Variants in ARMC3 observed in about 807,000 individuals in gnomAD.
ARMC3 encodes the protein armadillo repeat-containing protein 3.
Under a neutral mutation model 90.3 loss-of-function variants are expected in ARMC3, and 74 were observed. The ratio of observed to expected loss-of-function variants is 0.82; its 90% CI spans 0.68 to 0.99. ARMC3 has a LOEUF of 0.99. Ranked by LOEUF, ARMC3 falls within the 50% of genes least tolerant of loss-of-function variation. The probability of loss-of-function intolerance (pLI) is 0.00; values close to 1 mark genes in which losing one functional copy is unlikely to be tolerated. For missense variants in ARMC3, 958 were observed against 1,042.8 expected, an observed-to-expected ratio of 0.92 and a Z score of 1.12; for synonymous variants, 334 against 361.8, an observed-to-expected ratio of 0.92 and a Z score of 0.87.
intron 18 of ARMC3, among the ~76,000 whole-genome samples, chr10:23,034,055 T>A (rs944603520): frequency 1.3e-5 from 2 of 152,206 alleles, no homozygotes; most frequent in Non-Finnish European, 1.5e-5. Context: ...CATCATTGCA[T>A]TCACATGCAG....
intron 7 of ARMC3, among the ~76,000 whole-genome samples, chr10:22,967,343 A>G (rs528315474): frequency 2.0e-5 from 3 of 152,256 alleles, no homozygotes; most frequent in Admixed American, 2.0e-4. Context: ...AAAATTCATC[A>G]CAGGTTTTCT....
intron 16 of ARMC3, among the ~76,000 whole-genome samples, chr10:23,026,554 A>C (rs1838723307): frequency 6.6e-6 from 1 of 152,118 alleles, no homozygotes; most frequent in South Asian, 2.1e-4. Flanking sequence ...TTGATAGGAT[A>C]AAAATAAAAA....
Position 22,936,941 on chromosome 10 carries a change from T to C in ARMC3, c.48+4897T>C, listed in dbSNP as rs190267812. Among the ~76,000 whole-genome samples, 16 of 152,226 alleles carry C rather than the reference T, an allele frequency of 1.1e-4. No homozygotes were observed. In the East Asian group the frequency reaches 1.7e-3, roughly 17 times the overall value. ...TTTTTTGAGATAGGGTCTTGCTCTG[T>C]CTCCCAGGCTGGAGTGCAGTGGCAC... On this transcript the variant is annotated intron_variant, in intron 2 of 18. Transcript: ENST00000298032.
intron 13 of ARMC3, 123 bp from the exon 14 acceptor site, chr10:23,006,759 CAT>C: frequency 4.0e-6 from 3 of 755,208 alleles, no homozygotes; most frequent in Non-Finnish European, 6.9e-6. Context: ...GTATATTGTA[CAT>C]GTGTGTGTTT....
intron 16 of ARMC3, among the ~76,000 whole-genome samples, chr10:23,014,656 T>C (rs1274657595): frequency 1.2e-4 from 18 of 152,056 alleles, no homozygotes; most frequent in Admixed American, 1.1e-3. Flanking sequence ...TGCAGAGACA[T>C]GGATGGAGCT....
chr10:22,946,108 A>C, intron 2 of ARMC3, 36 bp from the exon 3 acceptor site: 1 of 1,388,798 alleles, frequency 7.2e-7, no homozygotes, highest in Admixed American at 2.0e-5. Context: ...TTTAAAGCTC[A>C]TATGTGAAAC....
chr10:23,008,771 T>C, intron 15 of ARMC3, 44 bp from the exon 16 acceptor site: 1 of 1,494,586 alleles, frequency 6.7e-7, no homozygotes, highest in Non-Finnish European at 9.3e-7. Context: ...ATTGTTGTTT[T>C]CCATATGATT....
intron 16 of ARMC3, chr10:23,014,161 T>C: frequency 1.3e-6 from 2 of 1,535,036 alleles, no homozygotes; most frequent in Non-Finnish European, 8.8e-7. Flanking sequence ...ATTGTTGGCA[T>C]GAGGAGAACA....
rs75701580 is a variant in ARMC3, at chr10:23,033,165, A to G, written c.2409+142A>G. ...TATTTATATCTACATATAAGTGTAT[A>G]TATACTTATATACAAGCATACACAT... On this transcript the variant is annotated intron_variant, in intron 18 of 18. Transcript: ENST00000298032. The G allele has an allele frequency of 2.2e-3, 1,658 of 741,314 alleles. 15 individuals are homozygous for G. In the African/African-American group the frequency reaches 0.026, roughly 12 times the overall value. The allele number at this position is 741,314 out of a possible 1,614,324, so 45.9% of individuals were successfully genotyped here.
At chr10:23,030,243 G>A (rs1838866990) in intron 16 of ARMC3, among the ~76,000 whole-genome samples, 1 of 152,076 alleles carries the variant, frequency 6.6e-6, no homozygotes, top group Admixed American at 6.6e-5. Flanking sequence ...TGAGGAATTG[G>A]TTTCATGAAG....
Position 23,024,512 on chromosome 10 carries a change from A to T in ARMC3, c.2046-6084A>T, listed in dbSNP as rs12261995. ...TGATGATTGAAACAAAATGTATAAC[A>T]TCTTATACTCAAGACAATGATATTT... On this transcript the variant is annotated intron_variant, in intron 16 of 18. Coordinates refer to ENST00000298032, the MANE Select transcript of ARMC3 (RefSeq NM_173081.5). Among the ~76,000 whole-genome samples, 1,244 of 152,298 alleles carry T rather than the reference A, an allele frequency of 8.2e-3. 21 individuals carry two copies. Among genetic ancestry groups the T allele is most frequent in the African/African-American group, 0.028 (1,178 of 41,576 alleles).
At chr10:22,957,586 G>A (rs1411912044) in intron 4 of ARMC3, among the ~76,000 whole-genome samples, 2 of 152,060 alleles carry the variant, frequency 1.3e-5, no homozygotes, top group Admixed American at 1.3e-4. Flanking sequence ...CACTGACAAG[G>A]GGCCAGGCAC....
At chr10:22,968,019 G>C (rs1023396047) in intron 7 of ARMC3, among the ~76,000 whole-genome samples, 2 of 152,140 alleles carry the variant, frequency 1.3e-5, no homozygotes, top group Non-Finnish European at 2.9e-5. Flanking sequence ...GTTTTTTGCA[G>C]AAGACTGTAT....
At chr10:22,968,196 CA>C (rs1835523804) in intron 7 of ARMC3, 109 bp from the exon 8 acceptor site, 1 of 1,024,902 alleles carries the variant, frequency 9.8e-7, no homozygotes, top group Non-Finnish European at 1.4e-6. Context: ...TCTGTCACAA[CA>C]AAAATCATGA....
chr10:22,999,294 T>C (rs1225954758), intron 11 of ARMC3, among the ~76,000 whole-genome samples: 1 of 152,224 alleles, frequency 6.6e-6, no homozygotes, highest in Non-Finnish European at 1.5e-5. Flanking sequence ...ACACTTGTTA[T>C]CCCTGCACTT....
intron 3 of ARMC3, among the ~76,000 whole-genome samples, chr10:22,950,222 A>G (rs74121681): frequency 3.9e-5 from 6 of 152,288 alleles, no homozygotes; most frequent in African/African-American, 1.4e-4. Context: ...TAGAAATGGC[A>G]ACATATATGT....
intron 2 of ARMC3, among the ~76,000 whole-genome samples, chr10:22,936,745 T>TA (rs932745221): frequency 3.9e-5 from 6 of 152,172 alleles, no homozygotes; most frequent in South Asian, 4.2e-4. Context: ...CCCTTTTTAA[T>TA]AAAAAAATTA....
intron 7 of ARMC3, among the ~76,000 whole-genome samples, chr10:22,963,763 G>C (rs1380062757): frequency 1.3e-5 from 2 of 151,376 alleles, no homozygotes; most frequent in Non-Finnish European, 2.9e-5. Context: ...GGTGGCACGT[G>C]CCTGTAATCC....
At chr10:23,000,431 T>C (rs1837226722) in intron 11 of ARMC3, among the ~76,000 whole-genome samples, 1 of 152,182 alleles carries the variant, frequency 6.6e-6, no homozygotes, top group African/African-American at 2.4e-5. Context: ...CTTGTCTTCC[T>C]TTTTTGAATT....
Sources: allele counts gnomAD v4.1 joint callset (sites outside exome capture counted in the v4.1 genomes callset), GRCh38; gene constraint gnomAD v4.1.1; transcripts MANE v1.5; gene names NCBI Gene and HGNC (gene_info 2026-07-23, HGNC 2026-07-21).